CLDN14: variants seen among roughly 807,000 people sequenced by gnomAD.
The protein encoded by CLDN14 is claudin-14.
CLDN14 carries 2 observed loss-of-function variants against 2.1 expected under a neutral mutation model. That is an observed-to-expected ratio of 0.96 (90% CI 0.39 to 3.01). CLDN14 has a LOEUF of 3.01. Among genes scored for constraint, CLDN14 ranks in the 30% most tolerant of loss-of-function variants. The probability of loss-of-function intolerance (pLI) is 0.09; values close to 1 mark genes in which losing one functional copy is unlikely to be tolerated. For synonymous variants in CLDN14, 136 were observed against 154.4 expected, an observed-to-expected ratio of 0.88 and a Z score of 0.88; for missense variants, 298 against 328.0, an observed-to-expected ratio of 0.91 and a Z score of 0.71.
At chr21:36,525,081 G>C (rs1328766707) in intron 1 of CLDN14, among the ~76,000 whole-genome samples, 2 of 152,210 alleles carry the variant, frequency 1.3e-5, no homozygotes, top group African/African-American at 2.4e-5. Flanking sequence ...CCCTCACGGA[G>C]GGTGAACACC....
chr21:36,468,085 A>C (rs2086668174), intron 1 of CLDN14, among the ~76,000 whole-genome samples: 1 of 152,384 alleles, frequency 6.6e-6, no homozygotes, highest in East Asian at 1.9e-4. Flanking sequence ...TGTTGGGTCC[A>C]TTATAGAAAC....
chr21:36,518,080 A>ACG (rs1263982257), intron 1 of CLDN14, among the ~76,000 whole-genome samples: 1 of 16,422 alleles, frequency 6.1e-5, no homozygotes, highest in African/African-American at 8.6e-5. Context: ...ATACGTACAC[A>ACG]CACACACACA....
chr21:36,460,809 T>A lies in CLDN14; in HGVS notation c.*167A>T. 1 of 752,708 alleles carries A rather than the reference T, an allele frequency of 1.3e-6. No homozygotes were observed. Among genetic ancestry groups the A allele is most frequent in the Non-Finnish European group, 2.1e-6 (1 of 470,646 alleles). 46.6% of individuals were successfully genotyped at this position (752,708 alleles called of 1,614,324 possible). The stretch of plus-strand genomic sequence containing the variant: ...TAGAGAGCTTTCTCCTCCTCTTATT[T>A]CCCCCTCTGTCCCTGTGCTCTAAAG... On this transcript the variant is annotated 3_prime_UTR_variant, in exon 2 of 2. Coordinates refer to ENST00000399135, the MANE Select transcript of CLDN14 (RefSeq NM_001146079.2). This position sits in a 1 kb window ranked among gnomAD's most constrained non-coding sequence, Gnocchi z 4.0.
intron 1 of CLDN14, among the ~76,000 whole-genome samples, chr21:36,478,501 G>A (rs956104647): frequency 3.3e-5 from 5 of 152,252 alleles, no homozygotes; most frequent in East Asian, 1.9e-4. Context: ...AATGCAAGGC[G>A]TATGCTATGG....
intron 1 of CLDN14, among the ~76,000 whole-genome samples, chr21:36,518,722 T>C (rs2087247508): frequency 6.6e-6 from 1 of 152,204 alleles, no homozygotes; most frequent in African/African-American, 2.4e-5. Context: ...ATTTGGAAGA[T>C]GCTATTGGGG....
At chr21:36,519,515 A>G (rs1400092116) in intron 1 of CLDN14, among the ~76,000 whole-genome samples, 1 of 152,136 alleles carries the variant, frequency 6.6e-6, no homozygotes, top group Non-Finnish European at 1.5e-5. Context: ...GTTTGAGAAC[A>G]GCCTGGCCAA....
At position 36,575,258 on chromosome 21, in the gene CLDN14, AG is replaced by A. The variant is rs2087734123; in HGVS notation, c.-220+1152del. On this transcript the variant is annotated intron_variant, in intron 1 of 2. Transcript: ENST00000342108. ...TCGGCTCTAACTTACCCTGAGGCTT[AG>A]GGGTGCCAAACTGTGATACTCAGCA... Among the ~76,000 whole-genome samples the A allele has an allele frequency of 2.6e-5, 4 of 152,306 alleles. No individual in the cohort carries two copies. The South Asian group carries it at 8.3e-4, about 32-fold the overall frequency.
chr21:36,464,172 CCTCT>C (rs779846392), intron 1 of CLDN14, among the ~76,000 whole-genome samples: 1 of 152,012 alleles, frequency 6.6e-6, no homozygotes, highest in Non-Finnish European at 1.5e-5. Flanking sequence ...TGCCTGCTCC[CCTCT>C]CTCTCTTCCT....
intron 2 of CLDN14, chr21:36,486,441 C>T (rs995546046): frequency 3.5e-5 from 52 of 1,467,668 alleles, no homozygotes; most frequent in African/African-American, 8.4e-5. Context: ...CATAGAAACC[C>T]GAGGGCCAAG....
At chr21:36,462,900 A>G (rs1298210527) in intron 1 of CLDN14, among the ~76,000 whole-genome samples, 1 of 151,562 alleles carries the variant, frequency 6.6e-6, no homozygotes, top group African/African-American at 2.4e-5. Context: ...CCTGGGCGAC[A>G]GAGTAAGACT....
At chr21:36,505,395 C>T (rs8130520) in intron 2 of CLDN14, among the ~76,000 whole-genome samples, 97 of 152,230 alleles carry the variant, frequency 6.4e-4, no homozygotes, top group African/African-American at 2.3e-3. Context: ...CTGGAGGAGG[C>T]AATTCCAGGA....
At chr21:36,483,307 G>A (rs550030384), upstream of CLDN14, among the ~76,000 whole-genome samples, 4 of 152,202 alleles carry the variant, frequency 2.6e-5, no homozygotes, top group African/African-American at 4.8e-5. Context: ...CCTGAGGAGC[G>A]AGCCCGGTCC....
chr21:36,523,456 A>C (rs922042983), intron 1 of CLDN14, among the ~76,000 whole-genome samples: 2 of 152,166 alleles, frequency 1.3e-5, no homozygotes, highest in Non-Finnish European at 2.9e-5. Flanking sequence ...TTAGGTAGAA[A>C]GTGGATTAGG....
chr21:36,550,757 C>G (rs2087558068), intron 1 of CLDN14, among the ~76,000 whole-genome samples: 1 of 152,214 alleles, frequency 6.6e-6, no homozygotes, highest in Non-Finnish European at 1.5e-5. Flanking sequence ...TATCTGCTCA[C>G]TGTCTAATGC....
At chr21:36,515,306 A>G (rs1031786884) in intron 1 of CLDN14, among the ~76,000 whole-genome samples, 3 of 152,174 alleles carry the variant, frequency 2.0e-5, no homozygotes, top group African/African-American at 4.8e-5. Context: ...AAACAACTCA[A>G]TGTCCATCGA....
intron 1 of CLDN14, among the ~76,000 whole-genome samples, chr21:36,522,821 G>T (rs574345857): frequency 3.3e-5 from 5 of 151,912 alleles, no homozygotes; most frequent in Non-Finnish European, 5.9e-5. Flanking sequence ...TTAATTATCC[G>T]CTGGGTCTCG....
intron 1 of CLDN14, among the ~76,000 whole-genome samples, chr21:36,465,121 T>A (rs2086629082): frequency 6.6e-6 from 1 of 152,170 alleles, no homozygotes; most frequent in Admixed American, 6.5e-5. Flanking sequence ...CTCCTCCAGG[T>A]GCCCAGATCT....
chr21:36,539,359 GTGTA>G (rs1331821949), intron 1 of CLDN14, among the ~76,000 whole-genome samples: 2 of 150,496 alleles, frequency 1.3e-5, no homozygotes, highest in East Asian at 2.0e-4. Context: ...TGTGGAGTGA[GTGTA>G]TGTGCGGAGT....
chr21:36,466,224 T>G (rs912809569), intron 1 of CLDN14: 1 of 152,256 alleles, frequency 6.6e-6, no homozygotes, highest in Non-Finnish European at 1.5e-5. Context: ...AAGAACAATT[T>G]GCAATGAAAT....
Sources: gnomAD v4.1 joint callset for allele counts (sites outside exome capture counted in the v4.1 genomes callset) on GRCh38, gnomAD v4.1.1 for gene constraint, Gnocchi (gnomAD v3.1) non-coding constraint, MANE v1.5 for transcripts, NCBI Gene and HGNC (gene_info 2026-07-23, HGNC 2026-07-21) for gene names.